DMD: variants seen among roughly 807,000 people sequenced by gnomAD.
The protein encoded by DMD is mutant dystrophin.
Under a neutral mutation model 330.1 loss-of-function variants are expected in DMD, and 63 were observed. The ratio of observed to expected loss-of-function variants is 0.19; its 90% CI spans 0.16 to 0.24. The LOEUF is 0.24. Among genes scored for constraint, DMD ranks in the 10% least tolerant of loss-of-function variants. DMD has a pLI of 1.00. For synonymous variants in DMD, 1,223 were observed against 959.8 expected (o/e 1.27, Z -5.07); for missense variants, 3,344 against 2,684.1 (o/e 1.25, Z -5.43).
chrX:33,179,556 T>A (rs776326638), intron 1 of DMD, among the ~76,000 whole-genome samples: 31 of 108,202 alleles, frequency 2.9e-4, no homozygotes, highest in African/African-American at 9.8e-4. Flanking sequence ...TAGCCGGGCG[T>A]GGTGGCGGGC....
At chrX:32,131,616 T>C (rs1306940947) in intron 44 of DMD, among the ~76,000 whole-genome samples, 1 of 112,350 alleles carries the variant, frequency 8.9e-6, no homozygotes, top group African/African-American at 3.2e-5. Context: ...TCATGTATTA[T>C]GAGAATAATT....
chrX:31,933,959 ATTT>A (rs5901998), intron 45 of DMD, among the ~76,000 whole-genome samples: 1 of 100,252 alleles, frequency 1.0e-5, no homozygotes, highest in Non-Finnish European at 2.0e-5. Flanking sequence ...ATGATTAGCT[ATTT>A]TTTTTTTTTT....
chrX:31,541,076 T>C lies in DMD; in HGVS notation c.8218-33623A>G, dbSNP rs72625590. Among the ~76,000 whole-genome samples the C allele has an allele frequency of 6.3e-5, 7 of 111,809 alleles. No individual in the cohort carries two copies. The East Asian group carries it at 2.0e-3, about 31-fold the overall frequency. ...ATAAACATCGATTTAGGATCTACTG[T>C]GTTCTAGGGCTGTGCTGCTCTGTCT... On this transcript the variant is annotated intron_variant, in intron 55 of 78. Transcript: ENST00000357033.
intron 7 of DMD, among the ~76,000 whole-genome samples, chrX:32,772,050 C>T (rs2073669397): frequency 8.9e-6 from 1 of 112,146 alleles, no homozygotes; most frequent in African/African-American, 3.2e-5. Flanking sequence ...GAAGATAGAA[C>T]TAGAAGAATG....
At chrX:31,511,511 T>C (rs1398315407) in intron 55 of DMD, among the ~76,000 whole-genome samples, 1 of 75,358 alleles carries the variant, frequency 1.3e-5, no homozygotes, top group Non-Finnish European at 2.3e-5. Context: ...GTCCCCAGAG[T>C]GTGATGTTCC....
At chrX:32,957,552 G>T (rs773186316) in intron 2 of DMD, among the ~76,000 whole-genome samples, 17 of 111,801 alleles carry the variant, frequency 1.5e-4, no homozygotes, top group African/African-American at 5.2e-4. Flanking sequence ...GACAAATCTA[G>T]AAACAACTAG....
chrX:32,995,953 C>T (rs1165204552), intron 2 of DMD, among the ~76,000 whole-genome samples: 6 of 111,727 alleles, frequency 5.4e-5, no homozygotes, highest in Non-Finnish European at 9.4e-5. Context: ...TTTCTGGTTT[C>T]TTATGTGGTC....
chrX:31,911,763 C>T (rs906306077), intron 47 of DMD, among the ~76,000 whole-genome samples: 1 of 111,020 alleles, frequency 9.0e-6, no homozygotes, highest in Admixed American at 9.6e-5. Context: ...AGTGGCTGGC[C>T]ATCAGAAGTT....
intron 1 of DMD, among the ~76,000 whole-genome samples, chrX:33,066,582 G>T (rs918739134): frequency 2.7e-5 from 3 of 110,049 alleles, no homozygotes; most frequent in African/African-American, 6.6e-5. Flanking sequence ...TGTGGGGTAG[G>T]TAGGACTCAG....
chrX:32,522,347 T>G (rs1010258160), intron 17 of DMD, among the ~76,000 whole-genome samples: 2 of 111,680 alleles, frequency 1.8e-5, no homozygotes, highest in Non-Finnish European at 3.8e-5. Context: ...CTGGAAAAAT[T>G]ATCATTTCTA....
intron 2 of DMD, among the ~76,000 whole-genome samples, chrX:32,992,756 A>C (rs1050349168): frequency 1.8e-5 from 2 of 109,521 alleles, no homozygotes; most frequent in Non-Finnish European, 3.8e-5. Context: ...AAATACAAAA[A>C]TTAGCTGGGC....
intron 11 of DMD, among the ~76,000 whole-genome samples, chrX:32,630,622 C>T (rs776518920): frequency 3.6e-4 from 40 of 111,576 alleles, no homozygotes; most frequent in Non-Finnish European, 5.6e-4. Context: ...GTCTCTGACG[C>T]ATTCTTCAGT....
intron 76 of DMD, 137 bp downstream of exon 76, chrX:31,146,154 T>C: frequency 1.3e-6 from 1 of 779,073 alleles, no homozygotes; most frequent in Admixed American, 2.4e-5. Context: ...TTTAGACTTT[T>C]TTCGCCTGGT....
intron 1 of DMD, among the ~76,000 whole-genome samples, chrX:33,089,337 T>TA (rs764655283): frequency 1.8e-5 from 2 of 111,120 alleles, no homozygotes; most frequent in East Asian, 5.7e-4. Context: ...GTGTTAGGAT[T>TA]ACAGGCGTGA....
intron 57 of DMD, among the ~76,000 whole-genome samples, chrX:31,492,715 G>C (rs2069421516): frequency 9.0e-6 from 1 of 111,348 alleles, no homozygotes; most frequent in Admixed American, 9.6e-5. Context: ...ATGAGATCAT[G>C]TCCTTTGCAG....
At chrX:31,418,839 ACT>A (rs1256831424) in intron 60 of DMD, among the ~76,000 whole-genome samples, 5 of 112,193 alleles carry the variant, frequency 4.5e-5, no homozygotes, top group Admixed American at 1.9e-4. Context: ...TAGATTGGTA[ACT>A]CTCCTCCAAT....
chrX:31,217,936 T>G (rs2045583513), intron 64 of DMD, among the ~76,000 whole-genome samples: 1 of 112,150 alleles, frequency 8.9e-6, no homozygotes, highest in African/African-American at 3.2e-5. Flanking sequence ...AATTTCAAAT[T>G]GATTTAAAAG....
intron 25 of DMD, among the ~76,000 whole-genome samples, chrX:32,460,258 A>C (rs941147941): frequency 2.7e-5 from 3 of 110,852 alleles, no homozygotes; most frequent in Non-Finnish European, 5.7e-5. Context: ...AAGGAACTAC[A>C]CTACACTGTT....
chrX:32,346,048 C>T lies in DMD; in HGVS notation c.5481G>A (p.Leu1827=), dbSNP rs794727612. ...NEDNEGTVKE[L]LQRGDNLQQR... ...GTTGTAAGTTGTCTCCTCTTTGCAA[C>T]AATTCTTTTACAGTACCCTCATTGT... Residue 1827 remains leucine, a synonymous_variant, in exon 39 of 79, where the codon TTG becomes TTA. Coordinates refer to ENST00000357033, the MANE Select transcript of DMD (RefSeq NM_004006.3). 2 of 1,209,686 alleles carry T rather than the reference C, an allele frequency of 1.7e-6. No homozygotes were observed. The highest frequency in any genetic ancestry group is 4.4e-5 in the Admixed American group (2 of 45,865).
Sources: gnomAD v4.1 joint callset for allele counts (sites outside exome capture counted in the v4.1 genomes callset) on GRCh38, gnomAD v4.1.1 for gene constraint, MANE v1.5 for transcripts, NCBI Gene and HGNC (gene_info 2026-07-23, HGNC 2026-07-21) for gene names.